The following DKKL1 variants were observed in gnomAD, a reference collection of about 807,000 sequenced individuals.
DKKL1 encodes dickkopf like acrosomal protein 1.
A neutral mutation model predicts 16.5 loss-of-function variants in DKKL1; 11 were observed. The observed-to-expected ratio is 0.67, with a 90% CI of 0.42 to 1.10. The LOEUF is 1.10. Among genes scored for constraint, DKKL1 ranks in the 50% least tolerant of loss-of-function variants. DKKL1 has a pLI of 0.00. For synonymous variants in DKKL1, 119 were observed against 133.2 expected, an observed-to-expected ratio of 0.89 and a Z score of 0.73; for missense variants, 320 against 308.1, an observed-to-expected ratio of 1.04 and a Z score of -0.29.
At chr19:49,369,897 T>C (rs1158029368) in intron 4 of DKKL1, 3 of 152,234 alleles carry the variant, frequency 2.0e-5, no homozygotes, top group Non-Finnish European at 4.4e-5. Context: ...TTCAGGAGAC[T>C]CCACTGTCCA....
In DKKL1 at chr19:49,370,635, AC is replaced by A. The variant is rs779027614; in HGVS notation, c.418-4081del. 8 of 152,374 alleles carry A rather than the reference AC, an allele frequency of 5.3e-5. No homozygotes were observed. In the South Asian group the frequency reaches 1.7e-3, roughly 32 times the overall value. 9.4% of individuals were successfully genotyped at this position (152,374 alleles called of 1,614,324 possible). A position where few individuals can be genotyped will look rare whatever the true frequency, so the allele number is the denominator to read the frequency against. On this transcript the variant is annotated intron_variant, in intron 4 of 4. Coordinates refer to ENST00000221498, the MANE Select transcript of DKKL1 (RefSeq NM_014419.4). ...TGGAAGACCTCACCAACGAAAGCTC[AC>A]ATGAGGATGCTCCACTGGATCTGAA...
upstream of DKKL1, chr19:49,363,018 C>A (rs563540446): frequency 1.3e-5 from 2 of 149,142 alleles, no homozygotes; most frequent in Admixed American, 1.3e-4. Context: ...GTGACCTCAC[C>A]ACAGTTAAGA....
Position 49,365,931 on chromosome 19 carries a change from CTTTT to C in DKKL1, c.417+50_417+53del, listed in dbSNP as rs763620903. On this transcript the variant is annotated intron_variant, in intron 4 of 4. Transcript: ENST00000221498. Reference sequence around the variant, plus strand: ...CAAAGTGTCCAGGCCCAAACATTTTCTTTTTTTCTTTTTTAAAGAAGAGTCTCAC... The same window carrying C: ...CAAAGTGTCCAGGCCCAAACATTTTCTTTCTTTTTTAAAGAAGAGTCTCAC... The C allele has an allele frequency of 2.6e-6, 4 of 1,556,178 alleles. No homozygotes were observed. The African/African-American group carries it at 5.5e-5, about 21-fold the overall frequency.
rs886813698 is a variant in DKKL1 at position 49,371,523 on chromosome 19, G to A, written c.418-3194G>A. 6.2e-5 allele frequency among the ~76,000 whole-genome samples: 9 copies of A among 145,370 alleles called. No individual in the cohort carries two copies. The East Asian group carries it at 1.5e-3, about 25-fold the overall frequency. ...CTGGTTTTAGAGTTTTTGTAATTTT[G>A]ATAAATGATCTTTTATGCTTTGTAT... On this transcript the variant is annotated intron_variant, in intron 4 of 4. Transcript: ENST00000221498.
chr19:49,365,619 C>T lies in DKKL1; in HGVS notation c.294C>T (p.Asn98=). The T allele has an allele frequency of 6.2e-7, 1 of 1,613,468 alleles. No individual in the cohort carries two copies. Among genetic ancestry groups the T allele is most frequent in the Non-Finnish European group, 8.5e-7 (1 of 1,179,672 alleles). Residue 98 remains asparagine, a synonymous_variant, in exon 3 of 5, where the codon AAC becomes AAT. Transcript: ENST00000221498. ...EENQEHQLGN[N]TLSSHLQIDK... Reference sequence around the variant, plus strand: ...ACCAGGAGCACCAGCTGGGGAACAACACCCTCTCCAGCCACCTCCAGATCG... The same window carrying T: ...ACCAGGAGCACCAGCTGGGGAACAATACCCTCTCCAGCCACCTCCAGATCG...
intron 2 of DKKL1, 31 bp from the exon 3 acceptor site, chr19:49,365,478 A>G (rs1489195874): frequency 6.4e-7 from 1 of 1,569,488 alleles, no homozygotes; most frequent in East Asian, 2.3e-5. Context: ...TGTGAGGTCC[A>G]GCAGCTCACC....
chr19:49,371,549 C>G (rs115467229), intron 4 of DKKL1, among the ~76,000 whole-genome samples: 4,028 of 149,988 alleles, frequency 0.027, 209 homozygotes, highest in African/African-American at 0.096. Flanking sequence ...TGCTTTGTAT[C>G]ATTTTCTTAA....
In DKKL1 at chr19:49,368,110, C is replaced by T. The variant is rs150698103; in HGVS notation, c.417+2225C>T. Among the ~76,000 whole-genome samples the T allele has an allele frequency of 5.3e-5, 8 of 152,216 alleles. No individual in the cohort carries two copies. The East Asian group carries it at 5.8e-4, about 11-fold the overall frequency. ...GGCAGATTGCCTGAGCTCAGGAGTTCGAGACCAGCCTGGGCAACACGGTGA... is the reference window on the plus strand; with the variant it reads ...GGCAGATTGCCTGAGCTCAGGAGTTTGAGACCAGCCTGGGCAACACGGTGA... On this transcript the variant is annotated intron_variant, in intron 4 of 4. Coordinates refer to ENST00000221498, the MANE Select transcript of DKKL1 (RefSeq NM_014419.4).
rs372117146 is a variant in DKKL1, at chr19:49,364,663, C to T, written c.92C>T (p.Ala31Val). Reference protein sequence around the residue: ...LSTLVIPSAAAPIHDADAQES... With the variant: ...LSTLVIPSAAVPIHDADAQES... Reference sequence around the variant, plus strand: ...ACCCTGGTGATCCCCTCCGCTGCAGCTCCTATCCATGATGCTGACGCCCAA... The same window carrying T: ...ACCCTGGTGATCCCCTCCGCTGCAGTTCCTATCCATGATGCTGACGCCCAA... The change falls in exon 2 of 5, where the codon GCT becomes GTT. Residue 31 changes from alanine to valine, a missense_variant. Transcript: ENST00000221498. 1.2e-6 allele frequency: 2 copies of T among 1,614,126 alleles called. No individual in the cohort carries two copies. The highest frequency in any genetic ancestry group is 1.7e-6 in the Non-Finnish European group (2 of 1,180,032).
In DKKL1 at chr19:49,365,652, G is replaced by A. The variant is rs762979135; in HGVS notation, c.324+3G>A. 4.3e-6 allele frequency: 7 copies of A among 1,610,352 alleles called. No individual in the cohort carries two copies. The Admixed American group carries it at 8.4e-5, about 19-fold the overall frequency. On this transcript the variant is annotated splice_donor_region_variant and intron_variant, in intron 3 of 4. Transcript: ENST00000221498. ...CCAGCCACCTCCAGATCGACAAGGTGCCTATGCAGGGAAGCCCTTCCTGAA... is the reference window on the plus strand; with the variant it reads ...CCAGCCACCTCCAGATCGACAAGGTACCTATGCAGGGAAGCCCTTCCTGAA...
At chr19:49,373,062 G>T (rs976626218) in intron 4 of DKKL1, among the ~76,000 whole-genome samples, 1 of 151,956 alleles carries the variant, frequency 6.6e-6, no homozygotes, top group East Asian at 1.9e-4. Flanking sequence ...CCAGCACTTT[G>T]GGAGGCCAAG....
rs567208378 is a variant in DKKL1, at chr19:49,372,335, C to T, written c.418-2382C>T. 1.1e-3 allele frequency among the ~76,000 whole-genome samples: 164 copies of T among 152,008 alleles called. 1 individual carries two copies. Among genetic ancestry groups the T allele is most frequent in the Admixed American group, 2.0e-3 (31 of 15,254 alleles). ...CAGCACTTTGGGAGGCAGAGACGGG[C>T]GGATCATGAGGTCAGGAGTTCGAGA... is the stretch of plus-strand genomic sequence containing the variant. On this transcript the variant is annotated intron_variant, in intron 4 of 4. Coordinates refer to ENST00000221498, the MANE Select transcript of DKKL1 (RefSeq NM_014419.4).
rs751730042 is a variant in DKKL1, at chr19:49,365,798, C to T, written c.330C>T (p.Thr110=). Residue 110 remains threonine (T), a synonymous_variant, in exon 4 of 5, where the codon ACC becomes ACT. Transcript: ENST00000221498. ...LSSHLQIDKM[T]DNKTGEVLIS... is the part of the protein sequence containing the mutation. ...CTCTCATCGGATCCTCACAGATGACCGACAACAAGACAGGAGAGGTGCTGA... is the reference window on the plus strand; with the variant it reads ...CTCTCATCGGATCCTCACAGATGACTGACAACAAGACAGGAGAGGTGCTGA... 11 of 1,613,558 alleles carry T rather than the reference C, an allele frequency of 6.8e-6. No homozygotes were observed. The highest frequency in any genetic ancestry group is 6.7e-5 in the African/African-American group (5 of 74,876).
In DKKL1 at chr19:49,374,665, T is replaced by A. The variant is rs1005673375; in HGVS notation, c.418-52T>A. 3.3e-6 allele frequency: 5 copies of A among 1,498,924 alleles called. No homozygotes were observed. In the African/African-American group the frequency reaches 7.0e-5, roughly 21 times the overall value. The allele number at this position is 1,498,924 out of a possible 1,614,324, so 92.9% of individuals were successfully genotyped here. Reference sequence around the variant, plus strand: ...TGAATAGGTCAGTGGGGACTGACCATCCTGGGGTGCTGTTTGGAGTATGAG... The same window carrying A: ...TGAATAGGTCAGTGGGGACTGACCAACCTGGGGTGCTGTTTGGAGTATGAG... On this transcript the variant is annotated intron_variant, in intron 4 of 4. Transcript: ENST00000221498.
intron 1 of DKKL1, 101 bp from the exon 2 acceptor site, chr19:49,364,481 T>C: frequency 1.1e-6 from 1 of 944,630 alleles, no homozygotes; most frequent in South Asian, 1.7e-5. Context: ...GTGTGGGAGT[T>C]GCCTGAACTG....
chr19:49,368,359 T>G (rs187171776), intron 4 of DKKL1, among the ~76,000 whole-genome samples: 2 of 149,630 alleles, frequency 1.3e-5, no homozygotes, highest in African/African-American at 4.9e-5. Flanking sequence ...TGGTGGTGTG[T>G]GCTGTGGTTC....
At chr19:49,368,621 T>G (rs964102074) in intron 4 of DKKL1, 1 of 152,194 alleles carries the variant, frequency 6.6e-6, no homozygotes, top group Non-Finnish European at 1.5e-5. Flanking sequence ...CCATCTTGGC[T>G]CACAGCAACC....
intron 1 of DKKL1, 55 bp from the exon 2 acceptor site, chr19:49,364,527 T>A (rs1973173863): frequency 6.6e-7 from 1 of 1,512,044 alleles, no homozygotes. Flanking sequence ...GAGAGGGGCG[T>A]CTTGGGTGGG....
At chr19:49,365,427 A>G (rs2146766000) in intron 2 of DKKL1, 82 bp from the exon 3 acceptor site, 1 of 1,461,590 alleles carries the variant, frequency 6.8e-7, no homozygotes, top group Non-Finnish European at 9.1e-7. Flanking sequence ...AGGCCTCGGG[A>G]GCATCCTAGC....
Sources: gnomAD v4.1 joint callset for allele counts (sites outside exome capture counted in the v4.1 genomes callset) on GRCh38, gnomAD v4.1.1 for gene constraint, MANE v1.5 for transcripts, NCBI Gene and HGNC (gene_info 2026-07-23, HGNC 2026-07-21) for gene names.